The following DNAH14 variants were observed in gnomAD, a reference collection of about 807,000 sequenced individuals.
The protein encoded by DNAH14 is dynein axonemal heavy chain 14.
Under a neutral mutation model 520.9 loss-of-function variants are expected in DNAH14, and 478 were observed. The ratio of observed to expected loss-of-function variants is 0.92; its 90% CI spans 0.85 to 0.99. The LOEUF (loss-of-function observed/expected upper bound fraction) is 0.99, where lower values mean the gene tolerates loss of function less well. Among genes scored for constraint, DNAH14 ranks in the 50% least tolerant of loss-of-function variants. The pLI, the probability that DNAH14 is intolerant of heterozygous loss-of-function variation, is 0.00. For synonymous variants in DNAH14, 1,581 were observed against 1,757.2 expected (o/e 0.90, Z 2.51); for missense variants, 4,831 against 5,234.5 (o/e 0.92, Z 2.38).
intron 27 of DNAH14, among the ~76,000 whole-genome samples, chr1:225,140,019 A>G (rs1443734635): frequency 6.6e-6 from 1 of 152,184 alleles, no homozygotes; most frequent in Non-Finnish European, 1.5e-5. Flanking sequence ...GTATGCTCCT[A>G]TCTCGATCTG....
rs2087777036 is a variant in DNAH14 at position 225,207,748 on chromosome 1, T to C, written c.6439+528T>C. On this transcript the variant is annotated intron_variant, in intron 41 of 85. Coordinates refer to ENST00000682510, the MANE Select transcript of DNAH14 (RefSeq NM_001367479.1). ...AGATTAGCACAGGCTCCCAATTCTCTCTCTGAAACCAGTTTTGGATTCATC... is the reference window on the plus strand; with the variant it reads ...AGATTAGCACAGGCTCCCAATTCTCCCTCTGAAACCAGTTTTGGATTCATC... 2.6e-5 allele frequency among the ~76,000 whole-genome samples: 4 copies of C among 152,188 alleles called. No homozygotes were observed. In the South Asian group the frequency reaches 8.3e-4, roughly 31 times the overall value.
At chr1:225,169,685 A>C (rs906180691) in intron 36 of DNAH14, among the ~76,000 whole-genome samples, 1 of 152,148 alleles carries the variant, frequency 6.6e-6, no homozygotes, top group South Asian at 2.1e-4. Context: ...GGAACCAAGT[A>C]GGAAAACACT....
At chr1:225,281,744 A>G (rs1401517095) in intron 54 of DNAH14, among the ~76,000 whole-genome samples, 1 of 152,204 alleles carries the variant, frequency 6.6e-6, no homozygotes, top group Non-Finnish European at 1.5e-5. Context: ...AGTTATGTTG[A>G]AGAAAACTGT....
chr1:224,939,255 A>G (rs951492041), intron 1 of DNAH14, among the ~76,000 whole-genome samples: 3 of 152,228 alleles, frequency 2.0e-5, no homozygotes, highest in African/African-American at 7.2e-5. Flanking sequence ...CCAGTTAAAC[A>G]ATACACTTTT....
At chr1:225,362,239 C>A (rs1458958794) in intron 75 of DNAH14, among the ~76,000 whole-genome samples, 1 of 152,148 alleles carries the variant, frequency 6.6e-6, no homozygotes, top group Non-Finnish European at 1.5e-5. Flanking sequence ...ATTAATGATA[C>A]ATTAAAAATA....
intron 21 of DNAH14, among the ~76,000 whole-genome samples, chr1:225,095,027 A>G (rs1196690378): frequency 6.6e-6 from 1 of 152,080 alleles, no homozygotes; most frequent in African/African-American, 2.4e-5. Flanking sequence ...AACAGATGCC[A>G]GTGAGGTTGC....
In DNAH14 at chr1:225,060,745, A is replaced by T. The variant is rs1358572717; in HGVS notation, c.2424+8950A>T. Among the ~76,000 whole-genome samples the T allele has an allele frequency of 2.0e-4, 9 of 45,854 alleles. 3 individuals are homozygous for T. Among genetic ancestry groups the T allele is most frequent in the African/African-American group, 2.3e-4 (7 of 30,436 alleles). 30.1% of individuals were successfully genotyped at this position (45,854 alleles called of 152,430 possible). ...TTTCCTTCTAACAGTCAGGACCCTC[A>T]GCTGCAGGTCTGTTGGAATTTGCCG... is the stretch of plus-strand genomic sequence containing the variant. On this transcript the variant is annotated intron_variant, in intron 17 of 85. Coordinates refer to ENST00000682510, the MANE Select transcript of DNAH14 (RefSeq NM_001367479.1).
chr1:225,246,744 G>A (rs1474251538), intron 43 of DNAH14, among the ~76,000 whole-genome samples: 5 of 152,198 alleles, frequency 3.3e-5, no homozygotes, highest in Non-Finnish European at 7.3e-5. Flanking sequence ...TGCTGGAGAG[G>A]ATGTGGAGAA....
intron 27 of DNAH14, among the ~76,000 whole-genome samples, chr1:225,128,385 A>C (rs919157637): frequency 6.6e-6 from 1 of 152,184 alleles, no homozygotes; most frequent in African/African-American, 2.4e-5. Context: ...TTAGACCAAT[A>C]TCCTTGATGA....
At chr1:225,074,246 G>A (rs2071955701) in intron 17 of DNAH14, among the ~76,000 whole-genome samples, 1 of 152,056 alleles carries the variant, frequency 6.6e-6, no homozygotes, top group Non-Finnish European at 1.5e-5. Context: ...TGATCCGCCT[G>A]CCTCGGCCTC....
At chr1:225,339,141 CAA>C (rs5781399) in intron 68 of DNAH14, among the ~76,000 whole-genome samples, 11,470 of 131,182 alleles carry the variant, frequency 0.087, 541 homozygotes, top group Middle Eastern at 0.13. Context: ...CAATGAAATA[CAA>C]AAAAAAAAAA....
chr1:225,340,134 TCTCA>T (rs1161365487), intron 68 of DNAH14, among the ~76,000 whole-genome samples: 4 of 152,128 alleles, frequency 2.6e-5, no homozygotes, highest in African/African-American at 9.7e-5. Context: ...TCCATTGGCT[TCTCA>T]CTCACTCAGG....
intron 81 of DNAH14, among the ~76,000 whole-genome samples, chr1:225,387,813 G>A (rs1293969061): frequency 1.3e-5 from 2 of 152,148 alleles, no homozygotes; most frequent in African/African-American, 4.8e-5. Flanking sequence ...CTAGAGGGCT[G>A]CAAGGGTCTC....
Position 225,266,738 on chromosome 1 carries a change from G to A in DNAH14, c.7508G>A (p.Gly2503Glu), listed in dbSNP as rs758744356. 44 of 1,526,230 alleles carry A rather than the reference G, an allele frequency of 2.9e-5. No homozygotes were observed. Among genetic ancestry groups the A allele is most frequent in the Middle Eastern group, 1.7e-4 (1 of 5,958 alleles). The allele number at this position is 1,526,230 out of a possible 1,614,324, so 94.5% of individuals were successfully genotyped here. A position where few individuals can be genotyped will look rare whatever the true frequency, so the allele number is the denominator to read the frequency against. The change falls in exon 49 of 86, where the codon GGA (glycine) becomes GAA (glutamate). Residue 2503 changes from glycine to glutamate, a missense_variant. By Grantham distance (98) the Gly-to-Glu change is moderately conservative. Coordinates refer to ENST00000682510, the MANE Select transcript of DNAH14 (RefSeq NM_001367479.1). ...ATAAGACAATTGTTAGATTTGGGAG[G>A]AGTTTATGATACTGAAAAAAATACA... ...ELIRQLLDLG[G>E]VYDTEKNTWK...
In DNAH14 at chr1:225,318,638, CT is replaced by C; in HGVS notation, c.9297del (p.Leu3100Ter). 6.4e-7 allele frequency: 1 copy of C among 1,550,396 alleles called. No individual in the cohort carries two copies. The highest frequency in any genetic ancestry group is 2.4e-5 in the East Asian group (1 of 40,894). On this transcript the variant is annotated frameshift_variant, in exon 61 of 86. Transcript: ENST00000682510. LOFTEE classifies it high-confidence loss of function. ...CCAGCCTTTGACAAGGCAATTGTGG[CT>C]CTGAATGCCCTGGATAAAGCTGATG... is the stretch of plus-strand genomic sequence containing the variant. The part of the protein sequence containing the change: ...VLPAFDKAIV[A>X]LNALDKADVA...
At chr1:224,931,922 G>T (rs1239423593) in intron 1 of DNAH14, among the ~76,000 whole-genome samples, 1 of 152,190 alleles carries the variant, frequency 6.6e-6, no homozygotes, top group African/African-American at 2.4e-5. Flanking sequence ...ATGTGTGAGT[G>T]CAGGTATTCC....
intron 27 of DNAH14, among the ~76,000 whole-genome samples, chr1:225,137,370 T>C (rs897782628): frequency 4.4e-4 from 67 of 152,116 alleles, no homozygotes; most frequent in Non-Finnish European, 1.0e-4. Context: ...TTTTGTTTTG[T>C]TTTAAGATAG....
At chr1:225,143,061 C>A (rs1032814649) in intron 28 of DNAH14, among the ~76,000 whole-genome samples, 2 of 151,940 alleles carry the variant, frequency 1.3e-5, no homozygotes, top group Admixed American at 6.6e-5. Context: ...TGCTTTGGAC[C>A]TAAAACTAAC....
chr1:224,948,746 T>C, intron 1 of DNAH14, among the ~76,000 whole-genome samples: 1 of 152,262 alleles, frequency 6.6e-6, no homozygotes, highest in South Asian at 2.1e-4. Flanking sequence ...GTCATTACCA[T>C]AAAAATTTTA....
Sources: allele counts gnomAD v4.1 joint callset (sites outside exome capture counted in the v4.1 genomes callset), GRCh38; gene constraint gnomAD v4.1.1; transcripts MANE v1.5; gene names NCBI Gene and HGNC (gene_info 2026-07-23, HGNC 2026-07-21).